The following SSBP3 variants were observed in gnomAD, a reference collection of about 807,000 sequenced individuals.
SSBP3 encodes single stranded DNA binding protein 3, also known as single-stranded DNA-binding protein 3.
In SSBP3, 5 loss-of-function variants were observed where a neutral mutation model predicts 69.6. The ratio of observed to expected loss-of-function variants is 0.07; its 90% CI spans 0.04 to 0.15. The LOEUF (loss-of-function observed/expected upper bound fraction) is 0.15, where lower values mean the gene tolerates loss of function less well. Among genes scored for constraint, SSBP3 ranks in the 10% least tolerant of loss-of-function variants. The pLI is 1.00. For synonymous variants in SSBP3, 196 were observed against 193.4 expected (o/e 1.01, Z -0.11); for missense variants, 312 against 534.0 (o/e 0.58, Z 4.10).
At chr1:54,233,035 C>G (rs1370979609) in intron 14 of SSBP3, among the ~76,000 whole-genome samples, 1 of 151,880 alleles carries the variant, frequency 6.6e-6, no homozygotes, top group Non-Finnish European at 1.5e-5. Flanking sequence ...CTCTGCCTGG[C>G]CACCCATCGT....
intron 4 of SSBP3, among the ~76,000 whole-genome samples, chr1:54,328,949 C>T (rs1646358140): frequency 6.6e-6 from 1 of 152,216 alleles, no homozygotes; most frequent in African/African-American, 2.4e-5. Flanking sequence ...CGTGTGCATT[C>T]TCCTCCTCTT....
chr1:54,314,395 CAGA>C (rs1311608728), intron 4 of SSBP3, among the ~76,000 whole-genome samples: 7 of 152,210 alleles, frequency 4.6e-5, no homozygotes, highest in African/African-American at 9.6e-5. Context: ...CTGTGAGATC[CAGA>C]AGAAGGGCAC....
chr1:54,247,100 C>T (rs1644747343), intron 9 of SSBP3, among the ~76,000 whole-genome samples: 2 of 152,228 alleles, frequency 1.3e-5, no homozygotes, highest in Non-Finnish European at 2.9e-5. Context: ...CAGCTTTGCA[C>T]TCCGCCAGGT....
At chr1:54,404,509 T>C in intron 3 of SSBP3, 67 bp downstream of exon 3, 1 of 1,588,638 alleles carries the variant, frequency 6.3e-7, no homozygotes, top group Non-Finnish European at 8.6e-7. Context: ...GCCTCCCTTC[T>C]TTGTTCACTT....
intron 4 of SSBP3, among the ~76,000 whole-genome samples, chr1:54,329,833 CCTT>C (rs1190865277): frequency 6.6e-6 from 1 of 152,178 alleles, no homozygotes; most frequent in Non-Finnish European, 1.5e-5. Context: ...GGTTGGCTGT[CCTT>C]CTCACCCCAC....
At chr1:54,323,299 TAC>T (rs555477706) in intron 4 of SSBP3, among the ~76,000 whole-genome samples, 28 of 152,212 alleles carry the variant, frequency 1.8e-4, no homozygotes, top group Non-Finnish European at 4.0e-4. Context: ...CAGATACTTT[TAC>T]CATAAGTGGG....
intron 3 of SSBP3, among the ~76,000 whole-genome samples, chr1:54,404,318 T>A (rs1214413713): frequency 6.6e-6 from 1 of 151,706 alleles, no homozygotes; most frequent in Non-Finnish European, 1.5e-5. Flanking sequence ...AGCCCCAGAG[T>A]GAAATGTAAA....
At chr1:54,361,312 T>C (rs1395088667) in intron 4 of SSBP3, among the ~76,000 whole-genome samples, 1 of 152,212 alleles carries the variant, frequency 6.6e-6, no homozygotes, top group Non-Finnish European at 1.5e-5. Flanking sequence ...TGGCCTGTGC[T>C]AACTATAAAG....
chr1:54,276,154 A>G (rs1645279915), intron 5 of SSBP3, among the ~76,000 whole-genome samples: 1 of 152,202 alleles, frequency 6.6e-6, no homozygotes, highest in Admixed American at 6.5e-5. Flanking sequence ...AGTCCCTGCT[A>G]TCCTTCACCA....
chr1:54,279,794 G>C (rs17110221), intron 5 of SSBP3, among the ~76,000 whole-genome samples: 17,600 of 152,242 alleles, frequency 0.12, 1,319 homozygotes, highest in South Asian at 0.25. Context: ...CTGGCCTCTT[G>C]GATTTCCTCC....
chr1:54,309,263 T>A (rs1430856954), intron 4 of SSBP3, among the ~76,000 whole-genome samples: 1 of 152,198 alleles, frequency 6.6e-6, no homozygotes, highest in Non-Finnish European at 1.5e-5. Flanking sequence ...CTGAGGCCAG[T>A]TATAAATTTC....
At chr1:54,334,676 G>A (rs950589147) in intron 4 of SSBP3, among the ~76,000 whole-genome samples, 7 of 152,180 alleles carry the variant, frequency 4.6e-5, no homozygotes, top group African/African-American at 1.7e-4. Flanking sequence ...AATAATGCAT[G>A]TAAAGTACCT....
chr1:54,316,298 G>A (rs775048231), intron 4 of SSBP3, among the ~76,000 whole-genome samples: 108 of 151,506 alleles, frequency 7.1e-4, no homozygotes, highest in Non-Finnish European at 1.2e-3. Flanking sequence ...AGCCAAGATC[G>A]CGCCACCGCA....
intron 5 of SSBP3, among the ~76,000 whole-genome samples, chr1:54,264,163 G>A (rs1421985534): frequency 6.6e-6 from 1 of 152,084 alleles, no homozygotes; most frequent in Non-Finnish European, 1.5e-5. Flanking sequence ...CTAGCCAGGT[G>A]TGGTGGTGTG....
At chr1:54,292,325 G>A (rs192142010) in intron 4 of SSBP3, among the ~76,000 whole-genome samples, 20 of 152,284 alleles carry the variant, frequency 1.3e-4, no homozygotes, top group African/African-American at 4.3e-4. Context: ...TGGCCTTAAC[G>A]AAAACCCTGA....
At chr1:54,381,756 C>A (rs1204223065) in intron 4 of SSBP3, among the ~76,000 whole-genome samples, 1 of 152,240 alleles carries the variant, frequency 6.6e-6, no homozygotes, top group African/African-American at 2.4e-5. Context: ...AATGACAGAG[C>A]TGGCCAGCGC....
intron 5 of SSBP3, among the ~76,000 whole-genome samples, chr1:54,279,782 C>T (rs527589417): frequency 6.6e-6 from 1 of 152,242 alleles, no homozygotes. Context: ...ACCTCTCACA[C>T]GCTGGCCTCT....
chr1:54,272,480 CTT>C (rs71497593), intron 5 of SSBP3, among the ~76,000 whole-genome samples: 63 of 123,936 alleles, frequency 5.1e-4, no homozygotes, highest in South Asian at 3.2e-3. Flanking sequence ...GGAATTTGAC[CTT>C]TTTTTTAAAA....
chr1:54,255,662 A>G (rs1158206900), intron 7 of SSBP3: 1 of 152,174 alleles, frequency 6.6e-6, no homozygotes, highest in Non-Finnish European at 1.5e-5. Flanking sequence ...TGGGTCTCTA[A>G]TTCCTCTTGT....
Sources: allele counts gnomAD v4.1 joint callset (sites outside exome capture counted in the v4.1 genomes callset), GRCh38; gene constraint gnomAD v4.1.1; transcripts MANE v1.5; gene names NCBI Gene and HGNC (gene_info 2026-07-23, HGNC 2026-07-21).